The following FFAR4 variants were observed in gnomAD, a reference collection of about 807,000 sequenced individuals.
The protein encoded by FFAR4 is free fatty acid receptor 4.
In FFAR4, 19 loss-of-function variants were observed where a neutral mutation model predicts 27.0. That is an observed-to-expected ratio of 0.70 (90% CI 0.49 to 1.03). FFAR4 has a LOEUF of 1.03. Among genes scored for constraint, FFAR4 ranks in the 50% least tolerant of loss-of-function variants. The pLI, the probability that FFAR4 is intolerant of heterozygous loss-of-function variation, is 0.00. For synonymous variants in FFAR4, 254 were observed against 215.6 expected (o/e 1.18, Z -1.56); for missense variants, 476 against 479.0 (o/e 0.99, Z 0.06).
intron 2 of FFAR4, among the ~76,000 whole-genome samples, chr10:93,586,783 T>G (rs1472588546): frequency 6.6e-6 from 1 of 152,168 alleles, no homozygotes; most frequent in Non-Finnish European, 1.5e-5. Flanking sequence ...GAAAGCCATA[T>G]GGGAAAATAC....
At chr10:93,583,006 C>T (rs906314732) in intron 2 of FFAR4, among the ~76,000 whole-genome samples, 6 of 152,042 alleles carry the variant, frequency 3.9e-5, no homozygotes, top group Non-Finnish European at 8.8e-5. Context: ...CCAAACACCT[C>T]CCACCTGGAT....
At chr10:93,580,894 A>G (rs1438065637) in intron 2 of FFAR4, among the ~76,000 whole-genome samples, 1 of 152,088 alleles carries the variant, frequency 6.6e-6, no homozygotes, top group South Asian at 2.1e-4. Context: ...ATTTTTTCCA[A>G]TCAACAGTTT....
At chr10:93,567,782 C>G (rs575406872) in intron 1 of FFAR4, among the ~76,000 whole-genome samples, 2 of 152,158 alleles carry the variant, frequency 1.3e-5, no homozygotes, top group Non-Finnish European at 2.9e-5. Flanking sequence ...AGGAGTTGGG[C>G]TCCTGTCCAG....
intron 2 of FFAR4, among the ~76,000 whole-genome samples, chr10:93,586,989 A>G (rs1480430769): frequency 6.6e-6 from 1 of 152,124 alleles, no homozygotes; most frequent in Non-Finnish European, 1.5e-5. Flanking sequence ...CAGGCTTTTC[A>G]CTTCCCCTCA....
chr10:93,579,092 C>A, intron 2 of FFAR4: 4 of 1,431,308 alleles, frequency 2.8e-6, no homozygotes, highest in Non-Finnish European at 3.9e-6. Flanking sequence ...CACCTCTAAA[C>A]AGCAGTTTAC....
At chr10:93,568,256 G>T (rs1344419225) in intron 1 of FFAR4, among the ~76,000 whole-genome samples, 1 of 152,156 alleles carries the variant, frequency 6.6e-6, no homozygotes, top group South Asian at 2.1e-4. Context: ...CCGCCGTCTG[G>T]CTGTCTTCCC....
Position 93,571,506 on chromosome 10 carries a change from C to T in FFAR4, c.567+4219C>T, listed in dbSNP as rs2058131387. The stretch of plus-strand genomic sequence containing the variant: ...GAGATGGAACCAGAATTTAGCCCCA[C>T]TCTTTTGGGTCCCTCTGGATACCGT... On this transcript the variant is annotated intron_variant, in intron 1 of 2. Coordinates refer to ENST00000371481, the MANE Select transcript of FFAR4 (RefSeq NM_001195755.2). Among the ~76,000 whole-genome samples, 7 of 152,274 alleles carry T rather than the reference C, an allele frequency of 4.6e-5. No homozygotes were observed. The South Asian group carries it at 1.5e-3, about 32-fold the overall frequency.
intron 2 of FFAR4, among the ~76,000 whole-genome samples, chr10:93,582,354 G>A (rs914021948): frequency 4.6e-5 from 7 of 151,938 alleles, no homozygotes; most frequent in Admixed American, 1.3e-4. Flanking sequence ...AGACCAGCCT[G>A]ACCAACATGG....
chr10:93,569,467 CACT>C (rs2058119739), intron 1 of FFAR4, among the ~76,000 whole-genome samples: 1 of 152,190 alleles, frequency 6.6e-6, no homozygotes. Context: ...AGTACCGCAC[CACT>C]GTTAGGGAAT....
rs1483552345 is a variant in FFAR4 at position 93,576,232 on chromosome 10, C to T, written c.696+13C>T. The T allele has an allele frequency of 2.5e-6, 4 of 1,613,604 alleles. No individual in the cohort carries two copies. Among genetic ancestry groups the T allele is most frequent in the Middle Eastern group, 1.6e-4 (1 of 6,062 alleles). On this transcript the variant is annotated intron_variant, in intron 2 of 2. Transcript: ENST00000371481. ...CAAAATTTTACAGGTATGTTTTCTG[C>T]AAGTGCTGCCACTGAACTTCACCCA...
chr10:93,580,352 C>T (rs988710481), intron 2 of FFAR4, among the ~76,000 whole-genome samples: 10 of 152,250 alleles, frequency 6.6e-5, no homozygotes, highest in Non-Finnish European at 1.5e-4. Context: ...TCACCTGTCA[C>T]TAGTTCCTGT....
intron 1 of FFAR4, among the ~76,000 whole-genome samples, chr10:93,572,499 C>G (rs376347949): frequency 6.6e-6 from 1 of 152,132 alleles, no homozygotes; most frequent in African/African-American, 2.4e-5. Context: ...CCAGAGTCAT[C>G]CTGGTAGGAA....
chr10:93,580,805 G>GGA (rs1169686190), intron 2 of FFAR4, among the ~76,000 whole-genome samples: 1 of 152,218 alleles, frequency 6.6e-6, no homozygotes, highest in African/African-American at 2.4e-5. Context: ...TCATGTGCTT[G>GGA]GAGCAGTGGC....
Position 93,583,862 on chromosome 10 carries a change from C to G in FFAR4, c.697-3358C>G, listed in dbSNP as rs1209580361. 2.0e-5 allele frequency among the ~76,000 whole-genome samples: 3 copies of G among 152,286 alleles called. No homozygotes were observed. The East Asian group carries it at 5.8e-4, about 29-fold the overall frequency. On this transcript the variant is annotated intron_variant, in intron 2 of 2. Coordinates refer to ENST00000371481, the MANE Select transcript of FFAR4 (RefSeq NM_001195755.2). ...ATAGTAGGTGCTCCATAAATGTGAGCCTTCATCAACATCACTCATCAAAAA... is the reference window on the plus strand; with the variant it reads ...ATAGTAGGTGCTCCATAAATGTGAGGCTTCATCAACATCACTCATCAAAAA...
At chr10:93,569,892 C>T (rs1481799824) in intron 1 of FFAR4, among the ~76,000 whole-genome samples, 1 of 151,836 alleles carries the variant, frequency 6.6e-6, no homozygotes, top group Admixed American at 6.6e-5. Context: ...AACCCCATCT[C>T]TACTAAAAAT....
chr10:93,570,366 G>A (rs551179393), intron 1 of FFAR4, among the ~76,000 whole-genome samples: 1 of 150,696 alleles, frequency 6.6e-6, no homozygotes, highest in African/African-American at 2.4e-5. Context: ...CAAAGGGGGA[G>A]TGTAGTCATT....
chr10:93,568,240 C>G (rs868538720), intron 1 of FFAR4, among the ~76,000 whole-genome samples: 27 of 152,262 alleles, frequency 1.8e-4, no homozygotes, highest in African/African-American at 6.3e-4. Flanking sequence ...CGGTGGAGGA[C>G]AGTGGCCGCC....
chr10:93,576,328 A>G, intron 2 of FFAR4, 109 bp downstream of exon 2: 1 of 1,127,636 alleles, frequency 8.9e-7, no homozygotes, highest in South Asian at 1.4e-5. Flanking sequence ...ACGCCAGCTC[A>G]ATCTTGATTC....
At chr10:93,578,416 CAAAAA>C (rs762326870) in intron 2 of FFAR4, among the ~76,000 whole-genome samples, 4 of 60,200 alleles carry the variant, frequency 6.6e-5, no homozygotes, top group East Asian at 5.0e-4. Context: ...GATTCCCTCT[CAAAAA>C]AAAAAAAAAA....
Sources: gnomAD v4.1 joint callset for allele counts (sites outside exome capture counted in the v4.1 genomes callset) on GRCh38, gnomAD v4.1.1 for gene constraint, MANE v1.5 for transcripts, NCBI Gene and HGNC (gene_info 2026-07-23, HGNC 2026-07-21) for gene names.